PIP5K1B: variants seen among roughly 807,000 people sequenced by gnomAD.
The protein encoded by PIP5K1B is phosphatidylinositol-4-phosphate 5-kinase type 1 beta.
PIP5K1B carries 42 observed loss-of-function variants against 67.0 expected under a neutral mutation model. The ratio of observed to expected loss-of-function variants is 0.63; its 90% CI spans 0.49 to 0.81. The LOEUF (loss-of-function observed/expected upper bound fraction) is 0.81, where lower values mean the gene tolerates loss of function less well. PIP5K1B is among the 30% of genes least tolerant of loss of function. The pLI is 0.00. For synonymous variants in PIP5K1B, 214 were observed against 231.4 expected (o/e 0.92, Z 0.68); for missense variants, 459 against 646.3 (o/e 0.71, Z 3.14).
intron 6 of PIP5K1B, among the ~76,000 whole-genome samples, chr9:68,883,326 T>C (rs1435194839): frequency 6.6e-6 from 1 of 152,194 alleles, no homozygotes; most frequent in Non-Finnish European, 1.5e-5. Flanking sequence ...CTGATAGCTA[T>C]TTTTGTTTTC....
intron 2 of PIP5K1B, among the ~76,000 whole-genome samples, chr9:68,752,397 T>C (rs1180483621): frequency 6.6e-6 from 1 of 152,238 alleles, no homozygotes; most frequent in African/African-American, 2.4e-5. Context: ...GGGTAGGATA[T>C]TGCTTTTTAA....
intron 13 of PIP5K1B, 145 bp from the exon 14 acceptor site, chr9:68,940,501 A>T: frequency 1.4e-6 from 1 of 692,158 alleles, no homozygotes; most frequent in Non-Finnish European, 2.4e-6. Context: ...GCTGTAATTC[A>T]GAAAAAAAAA....
rs397792694 is a variant in PIP5K1B at position 68,893,333 on chromosome 9, C to CTTTT, written c.472-991_472-988dup. Among the ~76,000 whole-genome samples, 113 of 110,968 alleles carry CTTTT rather than the reference C, an allele frequency of 1.0e-3. 1 individual carries two copies. The highest frequency in any genetic ancestry group is 2.0e-3 in the Admixed American group (16 of 8,204). 72.8% of individuals were successfully genotyped at this position (110,968 alleles called of 152,430 possible). A position where few individuals can be genotyped will look rare whatever the true frequency, so the allele number is the denominator to read the frequency against. Reference sequence around the variant, plus strand: ...TAGGCATGTATTCCCTATTTTTTTTCTTTTTTTTTTTTTTTTTTGAGACAG... The same window carrying CTTTT: ...TAGGCATGTATTCCCTATTTTTTTTCTTTTTTTTTTTTTTTTTTTTTTGAGACAG... On this transcript the variant is annotated intron_variant, in intron 7 of 15. Transcript: ENST00000265382.
chr9:68,760,853 T>C (rs768316758), intron 2 of PIP5K1B, among the ~76,000 whole-genome samples: 9 of 152,078 alleles, frequency 5.9e-5, no homozygotes, highest in Non-Finnish European at 1.3e-4. Flanking sequence ...GGAAAGGTAT[T>C]TTTGGCTTCA....
At chr9:69,000,179 T>G (rs1476590213) in intron 15 of PIP5K1B, among the ~76,000 whole-genome samples, 1 of 152,048 alleles carries the variant, frequency 6.6e-6, no homozygotes, top group Non-Finnish European at 1.5e-5. Flanking sequence ...ACACAGAAAA[T>G]GCTTCTTTCT....
intron 2 of PIP5K1B, among the ~76,000 whole-genome samples, chr9:68,793,475 G>A (rs1396856792): frequency 6.6e-6 from 1 of 152,104 alleles, no homozygotes; most frequent in Non-Finnish European, 1.5e-5. Flanking sequence ...GGAAGAAGTG[G>A]CTAAATTATA....
chr9:68,791,657 A>G (rs1804029274), intron 2 of PIP5K1B, among the ~76,000 whole-genome samples: 1 of 152,196 alleles, frequency 6.6e-6, no homozygotes, highest in African/African-American at 2.4e-5. Context: ...GATGCTCTTT[A>G]CCAATTTATA....
intron 1 of PIP5K1B, among the ~76,000 whole-genome samples, chr9:68,723,160 C>CTGTGTG (rs35701836): frequency 6.6e-6 from 1 of 150,834 alleles, no homozygotes; most frequent in South Asian, 2.1e-4. Context: ...TAATATTCCT[C>CTGTGTG]TGTGTGTGTG....
At chr9:68,822,766 C>T (rs1266528586) in intron 4 of PIP5K1B, 83 bp downstream of exon 4, 2 of 935,690 alleles carry the variant, frequency 2.1e-6, no homozygotes, top group African/African-American at 3.3e-5. Context: ...TTCCTTCTCC[C>T]AAGCAGTTGT....
chr9:68,992,555 C>T (rs1263436679), intron 15 of PIP5K1B, among the ~76,000 whole-genome samples: 1 of 152,006 alleles, frequency 6.6e-6, no homozygotes, highest in Non-Finnish European at 1.5e-5. Flanking sequence ...TATCCAAAGT[C>T]CTGGCCAGGC....
chr9:68,902,499 A>G (rs1273982043), intron 8 of PIP5K1B, among the ~76,000 whole-genome samples: 1 of 152,178 alleles, frequency 6.6e-6, no homozygotes, highest in African/African-American at 2.4e-5. Context: ...ATCACAGTTT[A>G]TAACATTCAC....
intron 2 of PIP5K1B, among the ~76,000 whole-genome samples, chr9:68,754,647 A>T (rs1406026158): frequency 6.6e-6 from 1 of 152,102 alleles, no homozygotes; most frequent in Non-Finnish European, 1.5e-5. Flanking sequence ...TTTTATTTTC[A>T]GGTGATTCTA....
At chr9:68,750,349 T>C (rs571174552) in intron 2 of PIP5K1B, among the ~76,000 whole-genome samples, 1 of 152,348 alleles carries the variant, frequency 6.6e-6, no homozygotes, top group African/African-American at 2.4e-5. Context: ...CTGAACTCTT[T>C]ATATAATTCC....
At chr9:68,710,102 A>AC (rs2132233695) in intron 1 of PIP5K1B, among the ~76,000 whole-genome samples, 1 of 151,958 alleles carries the variant, frequency 6.6e-6, no homozygotes, top group African/African-American at 2.4e-5. Context: ...TATCCTGGAA[A>AC]TTTTTTTTTC....
intron 15 of PIP5K1B, among the ~76,000 whole-genome samples, chr9:69,006,377 TA>T (rs1831077239): frequency 6.6e-6 from 1 of 152,070 alleles, no homozygotes; most frequent in African/African-American, 2.4e-5. Context: ...TCAGGATCCT[TA>T]ATGAAGAAAG....
At chr9:68,853,088 C>G (rs1587558335) in intron 4 of PIP5K1B, among the ~76,000 whole-genome samples, 1 of 152,066 alleles carries the variant, frequency 6.6e-6, no homozygotes, top group East Asian at 1.9e-4. Context: ...AAAGGAAAAA[C>G]AGAAAGAGAG....
In PIP5K1B at chr9:68,889,232, T is replaced by C; in HGVS notation, c.471+99T>C. On this transcript the variant is annotated intron_variant, in intron 7 of 15. Coordinates refer to ENST00000265382, the MANE Select transcript of PIP5K1B (RefSeq NM_003558.4). ...TTTTTCAGTGACTCAGGCATGTTTC[T>C]TTCTCTTTGGTAAGCTTTATTCTGC... is the stretch of plus-strand genomic sequence containing the variant. 5.8e-6 allele frequency: 5 copies of C among 861,574 alleles called. No individual in the cohort carries two copies. The South Asian group carries it at 6.7e-5, about 12-fold the overall frequency. 53.4% of individuals were successfully genotyped at this position (861,574 alleles called of 1,614,324 possible).
At chr9:68,827,241 G>A (rs942344292) in intron 4 of PIP5K1B, among the ~76,000 whole-genome samples, 1 of 152,130 alleles carries the variant, frequency 6.6e-6, no homozygotes, top group African/African-American at 2.4e-5. Flanking sequence ...TGGAAGTATG[G>A]GCTGGCTCTA....
rs564765904 is a variant in PIP5K1B at position 68,923,155 on chromosome 9, G to A, written c.1117-147G>A. On this transcript the variant is annotated intron_variant, in intron 11 of 15. Coordinates refer to ENST00000265382, the MANE Select transcript of PIP5K1B (RefSeq NM_003558.4). ...TCAGCCCCAGACTCCTGGGCCCCAC[G>A]GGCTACAGGACATTCCTGTTTTCTA... The A allele has an allele frequency of 5.0e-4, 307 of 620,000 alleles. 1 individual carries two copies. The highest frequency in any genetic ancestry group is 4.9e-3 in the African/African-American group (257 of 52,472). 38.4% of individuals were successfully genotyped at this position (620,000 alleles called of 1,614,324 possible).
Sources: gnomAD v4.1 joint callset for allele counts (sites outside exome capture counted in the v4.1 genomes callset) on GRCh38, gnomAD v4.1.1 for gene constraint, MANE v1.5 for transcripts, NCBI Gene and HGNC (gene_info 2026-07-23, HGNC 2026-07-21) for gene names.